The following PLA2G10 variants were observed in gnomAD, a reference collection of about 807,000 sequenced individuals.
The protein encoded by PLA2G10 is group 10 secretory phospholipase A2.
A neutral mutation model predicts 7.9 loss-of-function variants in PLA2G10; 9 were observed. That is an observed-to-expected ratio of 1.14 (90% CI 0.68 to 1.98). The LOEUF (loss-of-function observed/expected upper bound fraction) is 1.98. PLA2G10 is among the 30% of genes most tolerant of loss of function. The pLI is 0.00. For missense variants in PLA2G10, 53 were observed against 65.4 expected, an observed-to-expected ratio of 0.81 and a Z score of 0.66; for synonymous variants, 19 against 27.5, an observed-to-expected ratio of 0.69 and a Z score of 0.97.
At chr16:14,687,805 T>A (rs370014518) in intron 3 of PLA2G10, among the ~76,000 whole-genome samples, 2 of 150,168 alleles carry the variant, frequency 1.3e-5, no homozygotes, top group Admixed American at 6.9e-5. Flanking sequence ...GAGACCAGCC[T>A]GGCCAACTTG....
intron 3 of PLA2G10, among the ~76,000 whole-genome samples, chr16:14,673,047 G>T (rs1388692869): frequency 2.0e-5 from 3 of 146,630 alleles, no homozygotes; most frequent in African/African-American, 5.0e-5. Flanking sequence ...TGAGATGGGG[G>T]CTTGCTCTGT....
chr16:14,680,013 A>G (rs560187110), intron 3 of PLA2G10, among the ~76,000 whole-genome samples: 4 of 152,166 alleles, frequency 2.6e-5, no homozygotes, highest in South Asian at 4.1e-4. Context: ...TATTCCTAAC[A>G]TAGCAACAGA....
intron 3 of PLA2G10, among the ~76,000 whole-genome samples, chr16:14,685,261 A>T (rs905085882): frequency 6.6e-6 from 1 of 151,668 alleles, no homozygotes; most frequent in African/African-American, 2.4e-5. Flanking sequence ...AATCCCAGCT[A>T]CTCAGGAAGC....
chr16:14,684,974 C>T (rs1961010440), intron 3 of PLA2G10, among the ~76,000 whole-genome samples: 1 of 152,082 alleles, frequency 6.6e-6, no homozygotes, highest in African/African-American at 2.4e-5. Context: ...GGAAACAACC[C>T]AAATGCCCAT....
chr16:14,677,524 G>A (rs1267679570), intron 3 of PLA2G10, among the ~76,000 whole-genome samples: 14 of 152,088 alleles, frequency 9.2e-5, no homozygotes, highest in South Asian at 2.1e-4. Context: ...ACACCACCAC[G>A]CCTAGTTAAT....
chr16:14,680,261 C>T (rs776767456), intron 3 of PLA2G10, among the ~76,000 whole-genome samples: 5 of 151,918 alleles, frequency 3.3e-5, no homozygotes, highest in South Asian at 2.1e-4. Flanking sequence ...CCACCACGAC[C>T]GGCTAATTTC....
chr16:14,681,691 A>C (rs776603860), intron 3 of PLA2G10, among the ~76,000 whole-genome samples: 6 of 151,960 alleles, frequency 3.9e-5, no homozygotes, highest in Non-Finnish European at 8.8e-5. Context: ...CTATGTTCAG[A>C]ATATCTCCAA....
At chr16:14,674,949 A>G (rs1488894051) in intron 3 of PLA2G10, among the ~76,000 whole-genome samples, 33 of 152,166 alleles carry the variant, frequency 2.2e-4, no homozygotes, top group Admixed American at 2.2e-3. Flanking sequence ...AGGCAAGCGG[A>G]TCACCTGAGG....
chr16:14,672,760 TG>T lies in PLA2G10; in HGVS notation c.356-12del, dbSNP rs757467624. The T allele has an allele frequency of 2.5e-6, 4 of 1,613,482 alleles. No homozygotes were observed. The highest frequency in any genetic ancestry group is 8.5e-7 in the Non-Finnish European group (1 of 1,179,728). On this transcript the variant is annotated splice_polypyrimidine_tract_variant and intron_variant, in intron 3 of 3. Coordinates refer to ENST00000438167, the MANE Select transcript of PLA2G10 (RefSeq NM_003561.3). ...TGTTCTCTGCCGGTCCTGGAAGAAGTGGGGAAACTGAGATTAGAGCAGGGAC... is the reference window on the plus strand; with the variant it reads ...TGTTCTCTGCCGGTCCTGGAAGAAGTGGGAAACTGAGATTAGAGCAGGGAC...
chr16:14,672,834 A>G, intron 3 of PLA2G10, 85 bp from the exon 4 acceptor site: 1 of 1,309,406 alleles, frequency 7.6e-7, no homozygotes, highest in Non-Finnish European at 1.1e-6. Context: ...AGGACGGGTC[A>G]TAAATTACAT....
chr16:14,686,567 C>T (rs970918235), intron 3 of PLA2G10, among the ~76,000 whole-genome samples: 2 of 152,156 alleles, frequency 1.3e-5, no homozygotes, highest in African/African-American at 4.8e-5. Context: ...GGAGTACGAT[C>T]TCGGCTCACT....
intron 3 of PLA2G10, among the ~76,000 whole-genome samples, chr16:14,685,366 G>C (rs1179719429): frequency 1.4e-5 from 2 of 145,322 alleles, no homozygotes; most frequent in African/African-American, 2.6e-5. Context: ...GTGAGATTTC[G>C]TGTCAAAAAA....
At chr16:14,686,504 T>C (rs376193767) in intron 3 of PLA2G10, among the ~76,000 whole-genome samples, 1 of 152,044 alleles carries the variant, frequency 6.6e-6, no homozygotes, top group Admixed American at 6.6e-5. Context: ...CAGAATGGAA[T>C]CTATTTCTTT....
At chr16:14,681,371 G>T (rs1960888022) in intron 3 of PLA2G10, among the ~76,000 whole-genome samples, 1 of 152,080 alleles carries the variant, frequency 6.6e-6, no homozygotes, top group South Asian at 2.1e-4. Context: ...GAACTGGGAA[G>T]GTGTGGACCA....
chr16:14,677,857 G>GGATA (rs1960767003), intron 3 of PLA2G10, among the ~76,000 whole-genome samples: 1 of 14,360 alleles, frequency 7.0e-5, no homozygotes, highest in Non-Finnish European at 1.2e-4. Context: ...ATGGATAGAT[G>GGATA]GATGGATGGA....
chr16:14,674,357 T>A (rs1285337317), intron 3 of PLA2G10, among the ~76,000 whole-genome samples: 1 of 152,056 alleles, frequency 6.6e-6, no homozygotes, highest in East Asian at 1.9e-4. Flanking sequence ...AATACCAACA[T>A]CATTTTTCAC....
At chr16:14,687,179 C>A (rs1961103048) in intron 3 of PLA2G10, among the ~76,000 whole-genome samples, 1 of 151,168 alleles carries the variant, frequency 6.6e-6, no homozygotes, top group African/African-American at 2.4e-5. Context: ...AACAAACAAA[C>A]AATAAATAAA....
chr16:14,672,829 G>A lies in PLA2G10; in HGVS notation c.356-80C>T, dbSNP rs929443433. On this transcript the variant is annotated intron_variant, in intron 3 of 3. Coordinates refer to ENST00000438167, the MANE Select transcript of PLA2G10 (RefSeq NM_003561.3). ...AAACCAGTAAAGCAAGAGGCAGGACGGGTCATAAATTACATTTCTGAGACA... is the reference window on the plus strand; with the variant it reads ...AAACCAGTAAAGCAAGAGGCAGGACAGGTCATAAATTACATTTCTGAGACA... 52 of 1,363,308 alleles carry A rather than the reference G, an allele frequency of 3.8e-5. No homozygotes were observed. The East Asian group carries it at 9.5e-4, about 25-fold the overall frequency. The allele number at this position is 1,363,308 out of a possible 1,614,324, so 84.5% of individuals were successfully genotyped here. A position where few individuals can be genotyped will look rare whatever the true frequency, so the allele number is the denominator to read the frequency against.
intron 3 of PLA2G10, among the ~76,000 whole-genome samples, chr16:14,686,267 A>G (rs1199930148): frequency 6.6e-6 from 1 of 151,646 alleles, no homozygotes; most frequent in Non-Finnish European, 1.5e-5. Flanking sequence ...AGTGAGCCAC[A>G]GCGCCGAGCC....
Sources: gnomAD v4.1 joint callset for allele counts (sites outside exome capture counted in the v4.1 genomes callset) on GRCh38, gnomAD v4.1.1 for gene constraint, MANE v1.5 for transcripts, NCBI Gene and HGNC (gene_info 2026-07-23, HGNC 2026-07-21) for gene names.